Variants in CES1 observed in about 807,000 individuals in gnomAD.
CES1 encodes carboxylesterase 1.
Under a neutral mutation model 53.0 loss-of-function variants are expected in CES1, and 50 were observed. The ratio of observed to expected loss-of-function variants is 0.94; its 90% CI spans 0.75 to 1.19. The LOEUF (loss-of-function observed/expected upper bound fraction) is 1.19, where lower values mean the gene tolerates loss of function less well. Ranked by LOEUF, CES1 falls within the 50% of genes most tolerant of loss-of-function variation. The pLI is 0.00. For synonymous variants in CES1, 202 were observed against 210.1 expected (o/e 0.96, Z 0.33); for missense variants, 534 against 538.0 (o/e 0.99, Z 0.07).
intron 8 of CES1, among the ~76,000 whole-genome samples, chr16:55,814,766 T>C (rs533435935): frequency 6.6e-6 from 1 of 152,364 alleles, no homozygotes; most frequent in African/African-American, 2.4e-5. Context: ...ACCTTTGGTC[T>C]GCTCTACAAA....
intron 1 of CES1, among the ~76,000 whole-genome samples, chr16:55,830,409 C>T (rs28485039): frequency 8.9e-4 from 135 of 151,974 alleles, no homozygotes; most frequent in East Asian, 1.9e-3. Context: ...ATGGGATTTC[C>T]GGTCTTCACC....
chr16:55,809,694 C>T (rs1223000083), intron 11 of CES1, among the ~76,000 whole-genome samples: 1 of 152,192 alleles, frequency 6.6e-6, no homozygotes, highest in East Asian at 1.9e-4. Flanking sequence ...TACAGACCAC[C>T]TCTCCCACAC....
chr16:55,829,720 G>A (rs1458774919), intron 1 of CES1, among the ~76,000 whole-genome samples: 5 of 152,228 alleles, frequency 3.3e-5, no homozygotes, highest in African/African-American at 1.2e-4. Flanking sequence ...GCCAGGCTAA[G>A]CGCTTGAGTT....
rs1166225063 is a variant in CES1, at chr16:55,828,973, T to C, written c.54A>G (p.Ala18=). The C allele has an allele frequency of 2.0e-5, 32 of 1,602,238 alleles. No individual in the cohort carries two copies. In the East Asian group the frequency reaches 6.9e-4, roughly 35 times the overall value. Residue 18 remains alanine, a splice_region_variant and synonymous_variant, in exon 2 of 14, where the codon GCA becomes GCG. Transcript: ENST00000360526. Reference sequence around the variant, plus strand: ...CCACAGGTGGCGAGGACGGATGCCCTGCTGGACATGGAGAATAAATCAGGA... The same window carrying C: ...CCACAGGTGGCGAGGACGGATGCCCCGCTGGACATGGAGAATAAATCAGGA... ...LATLSASAAW[A]GHPSSPPVVD...
chr16:55,823,972 C>T (rs1438586936), intron 3 of CES1, among the ~76,000 whole-genome samples: 2 of 152,266 alleles, frequency 1.3e-5, no homozygotes, highest in East Asian at 3.8e-4. Context: ...TCATCATGGG[C>T]ATAGCAAAGG....
intron 8 of CES1, among the ~76,000 whole-genome samples, chr16:55,815,227 C>T (rs1204297059): frequency 6.6e-6 from 1 of 152,194 alleles, no homozygotes; most frequent in Non-Finnish European, 1.5e-5. Flanking sequence ...ACCTTCTGCA[C>T]AGTCTGGCAC....
intron 8 of CES1, among the ~76,000 whole-genome samples, chr16:55,814,885 A>ACG (rs2031867720): frequency 1.3e-5 from 2 of 152,232 alleles, no homozygotes; most frequent in African/African-American, 2.4e-5. Context: ...CTGACAATGA[A>ACG]GAACAGGATT....
At chr16:55,814,993 G>C (rs1265081872) in intron 8 of CES1, among the ~76,000 whole-genome samples, 3 of 152,246 alleles carry the variant, frequency 2.0e-5, no homozygotes, top group Non-Finnish European at 4.4e-5. Flanking sequence ...GGAAGATGCA[G>C]GGCAGACTAC....
chr16:55,812,854 G>C, intron 9 of CES1, 49 bp downstream of exon 9: 1 of 1,612,320 alleles, frequency 6.2e-7, no homozygotes, highest in Non-Finnish European at 8.5e-7. Flanking sequence ...AGAGACAGGA[G>C]GGCTGATGGG....
intron 7 of CES1, among the ~76,000 whole-genome samples, chr16:55,817,929 T>C (rs1337638750): frequency 6.6e-6 from 1 of 152,226 alleles, no homozygotes; most frequent in East Asian, 1.9e-4. Context: ...GGTCCTCTGA[T>C]GCCACATGCA....
At chr16:55,820,106 G>A in intron 6 of CES1, 1 of 592,900 alleles carries the variant, frequency 1.7e-6, no homozygotes, top group Admixed American at 2.9e-5. Flanking sequence ...CTGGCTGCTA[G>A]GGCCATGAGC....
intron 9 of CES1, among the ~76,000 whole-genome samples, 193 bp downstream of exon 9, chr16:55,812,710 T>A (rs1267451460): frequency 6.6e-6 from 1 of 152,066 alleles, no homozygotes; most frequent in Admixed American, 6.5e-5. Context: ...GGAGAGGGAA[T>A]CCCAGGGCCC....
chr16:55,812,727 C>G (rs2031752792), intron 9 of CES1, among the ~76,000 whole-genome samples, 176 bp downstream of exon 9: 1 of 152,124 alleles, frequency 6.6e-6, no homozygotes, highest in Admixed American at 6.5e-5. Flanking sequence ...GCCCTGATAC[C>G]CCGGTGAAAA....
intron 1 of CES1, among the ~76,000 whole-genome samples, chr16:55,831,154 A>AG (rs553236622): frequency 3.3e-4 from 50 of 151,734 alleles, no homozygotes; most frequent in African/African-American, 1.2e-3. Context: ...GAGAGGGAAG[A>AG]GAAAAAAAAA....
At chr16:55,809,034 T>G (rs2142310249) in intron 11 of CES1, among the ~76,000 whole-genome samples, 1 of 119,556 alleles carries the variant, frequency 8.4e-6, no homozygotes, top group East Asian at 2.1e-4. Context: ...GAAATGTTAT[T>G]TTATCAAAAA....
intron 1 of CES1, among the ~76,000 whole-genome samples, chr16:55,831,822 G>A (rs2032690244): frequency 6.6e-6 from 1 of 151,476 alleles, no homozygotes; most frequent in South Asian, 2.1e-4. Context: ...ACCTAGGCGT[G>A]ATTTTCGGGT....
chr16:55,821,674 T>C (rs558355572), intron 4 of CES1, among the ~76,000 whole-genome samples, 153 bp from the exon 5 acceptor site: 3 of 152,306 alleles, frequency 2.0e-5, no homozygotes, highest in Non-Finnish European at 2.9e-5. Context: ...TACAGCATTG[T>C]GGTGATGTAT....
intron 1 of CES1, among the ~76,000 whole-genome samples, chr16:55,829,835 CA>C (rs1216492748): frequency 6.6e-6 from 1 of 152,224 alleles, no homozygotes; most frequent in Non-Finnish European, 1.5e-5. Context: ...TCCATTCTTG[CA>C]GCACGGACAA....
At chr16:55,813,663 C>T (rs1244895916) in intron 8 of CES1, among the ~76,000 whole-genome samples, 5 of 152,156 alleles carry the variant, frequency 3.3e-5, no homozygotes, top group East Asian at 3.8e-4. Context: ...ACCAAATGCA[C>T]GGCCAGCAGC....
Sources: gnomAD v4.1 joint callset for allele counts (sites outside exome capture counted in the v4.1 genomes callset) on GRCh38, gnomAD v4.1.1 for gene constraint, MANE v1.5 for transcripts, NCBI Gene and HGNC (gene_info 2026-07-23, HGNC 2026-07-21) for gene names.